The following USH2A variants were observed in gnomAD, a reference collection of about 807,000 sequenced individuals.
The protein encoded by USH2A is Usher syndrome 2A (autosomal recessive, mild).
Under a neutral mutation model 538.9 loss-of-function variants are expected in USH2A, and 443 were observed. That is an observed-to-expected ratio of 0.82 (90% CI 0.76 to 0.89). The LOEUF (loss-of-function observed/expected upper bound fraction) is 0.89, where lower values mean the gene tolerates loss of function less well. Among genes scored for constraint, USH2A ranks in the 40% least tolerant of loss-of-function variants. The pLI is 0.00. For missense variants in USH2A, 6,633 were observed against 6,324.8 expected, an observed-to-expected ratio of 1.05 and a Z score of -1.65; for synonymous variants, 2,413 against 2,273.5, an observed-to-expected ratio of 1.06 and a Z score of -1.75.
At chr1:216,401,112 G>T (rs2039297000) in intron 3 of USH2A, among the ~76,000 whole-genome samples, 1 of 152,030 alleles carries the variant, frequency 6.6e-6, no homozygotes, top group Non-Finnish European at 1.5e-5. Flanking sequence ...GTAATGTGAT[G>T]CTCACTGTAT....
At chr1:215,953,711 A>G (rs1024987913) in intron 37 of USH2A, among the ~76,000 whole-genome samples, 7 of 152,136 alleles carry the variant, frequency 4.6e-5, no homozygotes, top group Admixed American at 1.3e-4. Context: ...TAATTGACAA[A>G]TGGGATCTAA....
At chr1:216,125,174 C>G (rs1310964596) in intron 21 of USH2A, among the ~76,000 whole-genome samples, 1 of 151,340 alleles carries the variant, frequency 6.6e-6, no homozygotes, top group Admixed American at 6.6e-5. Context: ...ATTAGCATAT[C>G]TATATTTTTC....
At chr1:216,279,979 C>T (rs568741512) in intron 11 of USH2A, among the ~76,000 whole-genome samples, 6 of 151,660 alleles carry the variant, frequency 4.0e-5, no homozygotes, top group East Asian at 1.9e-4. Context: ...TGGAGACAAG[C>T]GGCTCACTCC....
At chr1:216,163,514 T>G (rs1482668550) in intron 21 of USH2A, among the ~76,000 whole-genome samples, 1 of 152,050 alleles carries the variant, frequency 6.6e-6, no homozygotes, top group Non-Finnish European at 1.5e-5. Flanking sequence ...GGCCCTATTT[T>G]CTGGTATGCC....
intron 32 of USH2A, among the ~76,000 whole-genome samples, chr1:216,039,552 T>C (rs977394925): frequency 6.6e-6 from 1 of 152,026 alleles, no homozygotes; most frequent in Non-Finnish European, 1.5e-5. Flanking sequence ...AATAGTATTT[T>C]TATGTAAGAG....
intron 3 of USH2A, among the ~76,000 whole-genome samples, chr1:216,370,256 G>T (rs1204790296): frequency 6.6e-6 from 1 of 151,934 alleles, no homozygotes; most frequent in African/African-American, 2.4e-5. Context: ...AGCTACTTGG[G>T]AGGCTGAGGC....
At chr1:215,729,471 C>T (rs1659928228) in intron 60 of USH2A, among the ~76,000 whole-genome samples, 1 of 152,126 alleles carries the variant, frequency 6.6e-6, no homozygotes, top group African/African-American at 2.4e-5. Context: ...TTATTAAGCA[C>T]TGTTATATGC....
intron 55 of USH2A, among the ~76,000 whole-genome samples, chr1:215,777,000 T>C (rs1016193230): frequency 2.0e-5 from 3 of 152,156 alleles, no homozygotes; most frequent in Non-Finnish European, 4.4e-5. Context: ...TAGGGCTGTA[T>C]TGGGCAAGTG....
chr1:216,090,455 T>C (rs539365240), intron 22 of USH2A, among the ~76,000 whole-genome samples: 25 of 151,794 alleles, frequency 1.6e-4, no homozygotes, highest in Non-Finnish European at 3.4e-4. Flanking sequence ...AAAAAAGCTT[T>C]TAATTTCCCA....
intron 40 of USH2A, among the ~76,000 whole-genome samples, chr1:215,896,534 CA>C (rs1258760865): frequency 3.3e-5 from 5 of 152,028 alleles, no homozygotes; most frequent in African/African-American, 1.2e-4. Flanking sequence ...ATAGTTAACA[CA>C]AGGCAGGATT....
intron 9 of USH2A, among the ~76,000 whole-genome samples, chr1:216,298,916 C>T (rs1459506892): frequency 1.3e-5 from 2 of 151,512 alleles, no homozygotes; most frequent in Non-Finnish European, 2.9e-5. Context: ...TCTTGGCTCA[C>T]TGCAAGCTCC....
intron 32 of USH2A, among the ~76,000 whole-genome samples, chr1:216,039,013 T>C (rs2030133912): frequency 6.6e-6 from 1 of 152,012 alleles, no homozygotes; most frequent in African/African-American, 2.4e-5. Flanking sequence ...AAAATGTAAA[T>C]TTAAACATAT....
At chr1:216,251,918 G>T (rs1311245192) in intron 11 of USH2A, among the ~76,000 whole-genome samples, 1 of 151,982 alleles carries the variant, frequency 6.6e-6, no homozygotes, top group Non-Finnish European at 1.5e-5. Context: ...TATTGATATT[G>T]ATCCTAATAC....
intron 4 of USH2A, among the ~76,000 whole-genome samples, chr1:216,353,065 A>G (rs2038316117): frequency 6.6e-6 from 1 of 151,638 alleles, no homozygotes; most frequent in South Asian, 2.1e-4. Flanking sequence ...CCAAGATCAT[A>G]GTAGAAGTGA....
intron 32 of USH2A, among the ~76,000 whole-genome samples, chr1:216,010,819 T>A (rs921412447): frequency 9.9e-5 from 15 of 152,056 alleles, no homozygotes; most frequent in Admixed American, 9.2e-4. Context: ...TACAGCTACA[T>A]CTCATTGCTG....
intron 59 of USH2A, among the ~76,000 whole-genome samples, chr1:215,742,545 T>C (rs1345262629): frequency 6.6e-6 from 1 of 152,152 alleles, no homozygotes; most frequent in Admixed American, 6.5e-5. Flanking sequence ...TAAAATGATG[T>C]ATAGCTCTCT....
At chr1:215,983,110 C>A (rs1667788166) in intron 35 of USH2A, among the ~76,000 whole-genome samples, 1 of 152,084 alleles carries the variant, frequency 6.6e-6, no homozygotes, top group Non-Finnish European at 1.5e-5. Flanking sequence ...GCCACCATGC[C>A]CAGATAATTT....
chr1:216,398,523 A>T (rs2039254587), intron 3 of USH2A, among the ~76,000 whole-genome samples: 2 of 144,600 alleles, frequency 1.4e-5, no homozygotes, highest in Admixed American at 1.4e-4. Context: ...ACTCCAATGG[A>T]AAAACCAAAC....
intron 40 of USH2A, among the ~76,000 whole-genome samples, chr1:215,889,663 G>A (rs368632059): frequency 1.2e-4 from 19 of 152,212 alleles, no homozygotes; most frequent in East Asian, 7.7e-4. Flanking sequence ...AATAAACAAT[G>A]CACAGATCTG....
Sources: allele counts gnomAD v4.1 joint callset (sites outside exome capture counted in the v4.1 genomes callset), GRCh38; gene constraint gnomAD v4.1.1; transcripts MANE v1.5; gene names NCBI Gene and HGNC (gene_info 2026-07-23, HGNC 2026-07-21).